Variants in MROH9 observed in about 807,000 individuals in gnomAD.
MROH9 encodes maestro heat-like repeat-containing protein family member 9.
Under a neutral mutation model 98.2 loss-of-function variants are expected in MROH9, and 92 were observed. The ratio of observed to expected loss-of-function variants is 0.94; its 90% CI spans 0.79 to 1.11. The LOEUF (loss-of-function observed/expected upper bound fraction) is 1.11, where lower values mean the gene tolerates loss of function less well. Ranked by LOEUF, MROH9 falls within the 50% of genes most tolerant of loss-of-function variation. The pLI is 0.00. For missense variants in MROH9, 1,057 were observed against 1,014.8 expected, an observed-to-expected ratio of 1.04 and a Z score of -0.57; for synonymous variants, 397 against 368.9, an observed-to-expected ratio of 1.08 and a Z score of -0.87.
intron 15 of MROH9, among the ~76,000 whole-genome samples, chr1:170,999,688 T>C (rs1261780927): frequency 1.3e-5 from 2 of 152,208 alleles, no homozygotes; most frequent in Non-Finnish European, 2.9e-5. Context: ...TCTGGGTAGA[T>C]ATCCAGTAGT....
chr1:171,014,148 C>T lies in MROH9; in HGVS notation c.1628C>T (p.Pro543Leu). The change falls in exon 16 of 22, where the codon CCA becomes CTA. Residue 543 changes from proline to leucine, a missense_variant. Pro to Leu is a moderately conservative substitution (Grantham distance 98). Coordinates refer to ENST00000367759, the MANE Select transcript of MROH9 (RefSeq NM_001163629.2). ...LLNNFFKDPL[P>L]EEFLVLFINW... ...AATAACTTCTTCAAGGACCCTTTAC[C>T]AGAAGAATTTTTGGTCCTCTTCATA... 1.3e-6 allele frequency: 2 copies of T among 1,550,868 alleles called. No individual in the cohort carries two copies. Among genetic ancestry groups the T allele is most frequent in the South Asian group, 2.4e-5 (2 of 84,030 alleles).
At chr1:170,963,710 G>A (rs191966768) in intron 6 of MROH9, among the ~76,000 whole-genome samples, 4 of 152,134 alleles carry the variant, frequency 2.6e-5, no homozygotes, top group Admixed American at 2.0e-4. Flanking sequence ...GAAGCCATTA[G>A]CCTTAACAAA....
intron 15 of MROH9, among the ~76,000 whole-genome samples, chr1:171,001,685 G>T (rs1342635752): frequency 2.6e-5 from 4 of 151,878 alleles, no homozygotes; most frequent in Non-Finnish European, 5.9e-5. Context: ...CTTGGAAAAA[G>T]TTCCGCTGTT....
chr1:170,960,107 T>A (rs766735811), intron 5 of MROH9, among the ~76,000 whole-genome samples: 2 of 152,202 alleles, frequency 1.3e-5, no homozygotes, highest in Non-Finnish European at 2.9e-5. Flanking sequence ...TCAGGCTAAT[T>A]GTTTCTTTTT....
chr1:171,010,493 A>C (rs1652113277), intron 15 of MROH9, among the ~76,000 whole-genome samples: 1 of 152,118 alleles, frequency 6.6e-6, no homozygotes, highest in Admixed American at 6.6e-5. Flanking sequence ...CTAGTTTCAG[A>C]TCCTTGGGGA....
intron 20 of MROH9, among the ~76,000 whole-genome samples, chr1:171,059,768 C>G (rs1653957320): frequency 6.6e-6 from 1 of 152,050 alleles, no homozygotes; most frequent in African/African-American, 2.4e-5. Flanking sequence ...CCTCAGCAAA[C>G]TAACATGGGA....
chr1:170,936,349 C>G (rs751558281), intron 1 of MROH9, among the ~76,000 whole-genome samples: 1 of 152,040 alleles, frequency 6.6e-6, no homozygotes, highest in Non-Finnish European at 1.5e-5. Context: ...ACCAGAGCAC[C>G]GAGGGCAGCA....
intron 10 of MROH9, among the ~76,000 whole-genome samples, chr1:170,988,419 CA>C (rs1651230574): frequency 6.6e-6 from 1 of 152,130 alleles, no homozygotes; most frequent in African/African-American, 2.4e-5. Context: ...AGTCATCTTA[CA>C]AAATAGAGTT....
intron 12 of MROH9, among the ~76,000 whole-genome samples, chr1:170,994,852 G>C (rs1651499806): frequency 6.6e-6 from 1 of 151,416 alleles, no homozygotes; most frequent in Non-Finnish European, 1.5e-5. Flanking sequence ...TTGGGAGTTT[G>C]ATCTCCCAGG....
chr1:170,954,028 G>T (rs1016882570), intron 3 of MROH9, among the ~76,000 whole-genome samples: 1 of 151,844 alleles, frequency 6.6e-6, no homozygotes, highest in Admixed American at 6.6e-5. Flanking sequence ...TGTGATATCC[G>T]TTATGACTGA....
intron 15 of MROH9, among the ~76,000 whole-genome samples, chr1:171,012,108 T>G (rs1004840422): frequency 2.0e-5 from 3 of 152,084 alleles, no homozygotes; most frequent in Admixed American, 6.5e-5. Context: ...GTTTTTTATT[T>G]TGTTGTCATC....
intron 15 of MROH9, among the ~76,000 whole-genome samples, chr1:171,012,910 T>C (rs535293857): frequency 6.6e-6 from 1 of 152,272 alleles, no homozygotes; most frequent in South Asian, 2.1e-4. Context: ...GTATTAGCTC[T>C]TAAAAACTAA....
chr1:170,953,774 T>A (rs9426914), intron 3 of MROH9, among the ~76,000 whole-genome samples: 13,420 of 123,092 alleles, frequency 0.11, 701 homozygotes, highest in Admixed American at 0.13. Flanking sequence ...AAAGAAAGGA[T>A]GGAGAGAGGG....
intron 6 of MROH9, among the ~76,000 whole-genome samples, chr1:170,963,430 G>A (rs929239505): frequency 1.1e-4 from 16 of 151,950 alleles, no homozygotes; most frequent in African/African-American, 3.4e-4. Context: ...GTGATTCCTC[G>A]AAGACCTAAA....
chr1:170,956,605 T>G (rs1196603057), intron 3 of MROH9, among the ~76,000 whole-genome samples: 3 of 149,756 alleles, frequency 2.0e-5, no homozygotes, highest in South Asian at 2.1e-4. Flanking sequence ...GTTTTTTTTT[T>G]TTTTTGCAGC....
intron 15 of MROH9, among the ~76,000 whole-genome samples, chr1:171,006,216 G>GTTTT (rs143919013): frequency 2.0e-5 from 3 of 151,670 alleles, no homozygotes; most frequent in Admixed American, 6.6e-5. Context: ...TGGTTGTCAG[G>GTTTT]TTTTTTTTCT....
intron 1 of MROH9, among the ~76,000 whole-genome samples, chr1:170,940,965 T>G (rs1649096716): frequency 1.3e-5 from 2 of 152,152 alleles, no homozygotes; most frequent in Admixed American, 1.3e-4. Flanking sequence ...TCTATTCCAA[T>G]TACGCATTCC....
chr1:171,025,462 G>T, intron 20 of MROH9, 42 bp downstream of exon 20: 1 of 1,255,792 alleles, frequency 8.0e-7, no homozygotes, highest in African/African-American at 1.5e-5. Context: ...TGTCTTAAAT[G>T]GTATAGAATG....
rs1046312004 is a variant in MROH9, at chr1:170,993,044, G to A, written c.1194+715G>A. On this transcript the variant is annotated intron_variant, in intron 12 of 21. Transcript: ENST00000367759. ...ATGTTGGAATATGTATTTCTACGATGCCAATTACAATCCCTAAAGGCAAAA... is the reference window on the plus strand; with the variant it reads ...ATGTTGGAATATGTATTTCTACGATACCAATTACAATCCCTAAAGGCAAAA... 2.0e-5 allele frequency among the ~76,000 whole-genome samples: 3 copies of A among 152,100 alleles called. No homozygotes were observed. The East Asian group carries it at 5.8e-4, about 29-fold the overall frequency.
Sources: allele counts gnomAD v4.1 joint callset (sites outside exome capture counted in the v4.1 genomes callset), GRCh38; gene constraint gnomAD v4.1.1; transcripts MANE v1.5; gene names NCBI Gene and HGNC (gene_info 2026-07-23, HGNC 2026-07-21).